DNM3: variants seen among roughly 807,000 people sequenced by gnomAD.
The protein encoded by DNM3 is dynamin 3, also known as dynamin-3.
DNM3 carries 47 observed loss-of-function variants against 101.6 expected under a neutral mutation model. The observed-to-expected ratio is 0.46, with a 90% CI of 0.37 to 0.59. The LOEUF (loss-of-function observed/expected upper bound fraction) is 0.59. DNM3 is among the 20% of genes least tolerant of loss of function. The probability of loss-of-function intolerance (pLI) is 0.00; values close to 1 mark genes in which losing one functional copy is unlikely to be tolerated. For missense variants in DNM3, 849 were observed against 1,085.7 expected, an observed-to-expected ratio of 0.78 and a Z score of 3.06; for synonymous variants, 385 against 387.9, an observed-to-expected ratio of 0.99 and a Z score of 0.09.
chr1:171,873,925 G>GACATTATT (rs2035526142), intron 1 of DNM3, among the ~76,000 whole-genome samples: 1 of 152,120 alleles, frequency 6.6e-6, no homozygotes, highest in Non-Finnish European at 1.5e-5. Flanking sequence ...TTTCTGATAT[G>GACATTATT]ACATTATTAC....
rs74333152 is a variant in DNM3 at position 172,269,643 on chromosome 1, A to G, written c.1769+15961A>G. On this transcript the variant is annotated intron_variant, in intron 15 of 20. Coordinates refer to ENST00000627582, the MANE Select transcript of DNM3 (RefSeq NM_015569.5). ...GTCACTCTGAAGAACTGGATTCAAG[A>G]TATTATCTGTCTTGTTTCAGGCTTT... 8.5e-3 allele frequency among the ~76,000 whole-genome samples: 1,298 copies of G among 152,254 alleles called. 10 individuals carry two copies. The highest frequency in any genetic ancestry group is 0.012 in the Non-Finnish European group (839 of 68,020).
At chr1:171,914,488 T>TA (rs1297172849) in intron 1 of DNM3, among the ~76,000 whole-genome samples, 1 of 152,214 alleles carries the variant, frequency 6.6e-6, no homozygotes, top group East Asian at 1.9e-4. Flanking sequence ...AAAAAAATTT[T>TA]AAAAATATAT....
rs1271826248 is a variant in DNM3 at position 172,121,879 on chromosome 1, A to G, written c.1546-9296A>G. Among the ~76,000 whole-genome samples, 5 of 152,208 alleles carry G rather than the reference A, an allele frequency of 3.3e-5. No homozygotes were observed. In the East Asian group the frequency reaches 5.8e-4, roughly 18 times the overall value. ...TTTCAATCAGTTTTTATTGAACACT[A>G]TTAATGTTTTCAGTCAATCCAGTCA... On this transcript the variant is annotated intron_variant, in intron 13 of 20. Transcript: ENST00000627582.
chr1:172,343,899 G>A (rs922053901), intron 17 of DNM3, among the ~76,000 whole-genome samples: 1 of 152,074 alleles, frequency 6.6e-6, no homozygotes, highest in Non-Finnish European at 1.5e-5. Flanking sequence ...TTATTTACTG[G>A]GGTTTCCCTG....
intron 1 of DNM3, among the ~76,000 whole-genome samples, chr1:171,873,767 A>G (rs575443285): frequency 6.6e-6 from 1 of 152,354 alleles, no homozygotes; most frequent in Admixed American, 6.5e-5. Flanking sequence ...TTCTCCACGA[A>G]GTAAGAAAAT....
chr1:172,377,799 G>A (rs939858832), intron 17 of DNM3, among the ~76,000 whole-genome samples: 4 of 151,586 alleles, frequency 2.6e-5, no homozygotes, highest in Admixed American at 1.3e-4. Context: ...ATTTTAATGT[G>A]TTTTTTAGAA....
rs116339491 is a variant in DNM3, at chr1:171,940,339, C to T, written c.235+18518C>T. Among the ~76,000 whole-genome samples, 1,343 of 152,214 alleles carry T rather than the reference C, an allele frequency of 8.8e-3. 16 individuals carry two copies. The highest frequency in any genetic ancestry group is 0.03 in the African/African-American group (1,262 of 41,518). ...TTTTTGCATTCATTTATTCATTCATCTCTTCATTAATGGATTTTGAATGCC... is the reference window on the plus strand; with the variant it reads ...TTTTTGCATTCATTTATTCATTCATTTCTTCATTAATGGATTTTGAATGCC... On this transcript the variant is annotated intron_variant, in intron 2 of 20. Coordinates refer to ENST00000627582, the MANE Select transcript of DNM3 (RefSeq NM_015569.5).
chr1:172,315,080 C>T (rs2065265985), intron 16 of DNM3, among the ~76,000 whole-genome samples: 1 of 152,204 alleles, frequency 6.6e-6, no homozygotes, highest in African/African-American at 2.4e-5. Flanking sequence ...ATTCGCGGTT[C>T]ATGAAAATCC....
chr1:172,071,449 C>T (rs1329302766), intron 11 of DNM3, among the ~76,000 whole-genome samples: 1 of 151,906 alleles, frequency 6.6e-6, no homozygotes, highest in East Asian at 1.9e-4. Flanking sequence ...GGATGGATCT[C>T]GCATTTGAAT....
At chr1:172,149,562 G>C (rs16843915) in intron 14 of DNM3, among the ~76,000 whole-genome samples, 2,918 of 152,174 alleles carry the variant, frequency 0.019, 102 homozygotes, top group East Asian at 0.17. Context: ...ACCCTCAAAA[G>C]CTGACAAGCA....
At chr1:171,966,363 A>G (rs2043588701) in intron 2 of DNM3, among the ~76,000 whole-genome samples, 1 of 152,216 alleles carries the variant, frequency 6.6e-6, no homozygotes, top group Admixed American at 6.5e-5. Flanking sequence ...AGGGCAGAAG[A>G]AGGCATCTTC....
intron 1 of DNM3, among the ~76,000 whole-genome samples, chr1:171,910,197 C>T (rs1009782926): frequency 1.3e-5 from 2 of 152,186 alleles, no homozygotes; most frequent in African/African-American, 4.8e-5. Context: ...TCATAACACC[C>T]TAAAATCTAG....
chr1:171,976,738 G>GT (rs1301797825), intron 2 of DNM3, among the ~76,000 whole-genome samples: 11 of 152,112 alleles, frequency 7.2e-5, no homozygotes, highest in African/African-American at 1.7e-4. Flanking sequence ...CATAGAAAAA[G>GT]TTTTTTGTGG....
At chr1:172,263,377 C>T (rs1251394510) in intron 15 of DNM3, among the ~76,000 whole-genome samples, 1 of 152,090 alleles carries the variant, frequency 6.6e-6, no homozygotes, top group African/African-American at 2.4e-5. Context: ...AATGAAATTC[C>T]AATTTATTCT....
chr1:172,292,623 A>ACACG lies in DNM3; in HGVS notation c.1770-16104_1770-16103insACGC, dbSNP rs1339308974. Among the ~76,000 whole-genome samples, 419 of 147,858 alleles carry ACACG rather than the reference A, an allele frequency of 2.8e-3. 3 individuals are homozygous for ACACG. The highest frequency in any genetic ancestry group is 4.7e-3 in the Admixed American group (70 of 14,966). On this transcript the variant is annotated intron_variant, in intron 15 of 20. Coordinates refer to ENST00000627582, the MANE Select transcript of DNM3 (RefSeq NM_015569.5). ...ACTTCACACACACACACACACACAC[A>ACACG]CGCGCGTGCGTATATTCCTTACACG...
intron 14 of DNM3, among the ~76,000 whole-genome samples, chr1:172,213,488 C>T (rs957009973): frequency 8.4e-5 from 9 of 106,934 alleles, no homozygotes; most frequent in Non-Finnish European, 1.6e-4. Flanking sequence ...TTAAACAAAG[C>T]TTACAGAACA....
At chr1:171,888,882 GCTT>G (rs1333373321) in intron 1 of DNM3, among the ~76,000 whole-genome samples, 3 of 152,174 alleles carry the variant, frequency 2.0e-5, no homozygotes, top group Non-Finnish European at 4.4e-5. Flanking sequence ...ATTTTAAGAA[GCTT>G]AGAAACAAAG....
chr1:171,998,105 A>G (rs2046119749), intron 4 of DNM3, among the ~76,000 whole-genome samples: 1 of 152,152 alleles, frequency 6.6e-6, no homozygotes, highest in Admixed American at 6.5e-5. Flanking sequence ...ATGCATGATA[A>G]AAGTGCCTGT....
At chr1:172,244,678 T>G (rs1192311090) in intron 14 of DNM3, among the ~76,000 whole-genome samples, 1 of 152,118 alleles carries the variant, frequency 6.6e-6, no homozygotes, top group East Asian at 1.9e-4. Context: ...CCAGTTAGAA[T>G]GGCAATCATT....
Sources: allele counts gnomAD v4.1 joint callset (sites outside exome capture counted in the v4.1 genomes callset), GRCh38; gene constraint gnomAD v4.1.1; transcripts MANE v1.5; gene names NCBI Gene and HGNC (gene_info 2026-07-23, HGNC 2026-07-21).